Variants in ZNF438 observed in about 807,000 individuals in gnomAD.
ZNF438 encodes zinc finger protein 438.
In ZNF438, 25 loss-of-function variants were observed where a neutral mutation model predicts 38.0. The ratio of observed to expected loss-of-function variants is 0.66; its 90% CI spans 0.48 to 0.92. The LOEUF is 0.92. Among genes scored for constraint, ZNF438 ranks in the 40% least tolerant of loss-of-function variants. The probability of loss-of-function intolerance (pLI) is 0.00; values close to 1 mark genes in which losing one functional copy is unlikely to be tolerated. For synonymous variants in ZNF438, 372 were observed against 364.1 expected, an observed-to-expected ratio of 1.02 and a Z score of -0.25; for missense variants, 1,007 against 999.6, an observed-to-expected ratio of 1.01 and a Z score of -0.10.
intron 3 of ZNF438, among the ~76,000 whole-genome samples, chr10:30,879,277 G>T (rs574058308): frequency 1.3e-5 from 2 of 152,176 alleles, no homozygotes; most frequent in Non-Finnish European, 2.9e-5. Context: ...CCTTAGTAGG[G>T]GGGAATACTT....
intron 3 of ZNF438, among the ~76,000 whole-genome samples, chr10:30,893,636 G>C (rs3006597): frequency 0.78 from 118,741 of 152,124 alleles, 47,119 homozygotes; most frequent in African/African-American, 0.89. Context: ...GCTCCTTTAT[G>C]TAAGATGAAA....
intron 1 of ZNF438, among the ~76,000 whole-genome samples, chr10:30,961,892 G>GAAAAAAAAAA (rs947031672): frequency 4.5e-5 from 3 of 67,096 alleles, no homozygotes; most frequent in Non-Finnish European, 6.4e-5. Flanking sequence ...CATCCCAAAA[G>GAAAAAAAAAA]AAAAAAAAAA....
chr10:30,954,911 C>T (rs1418952175), intron 1 of ZNF438, among the ~76,000 whole-genome samples: 1 of 152,132 alleles, frequency 6.6e-6, no homozygotes, highest in Non-Finnish European at 1.5e-5. Context: ...AAAAGGATGA[C>T]TCTAAATTGA....
intron 2 of ZNF438, among the ~76,000 whole-genome samples, chr10:30,921,577 GT>G (rs2044302757): frequency 6.6e-6 from 1 of 152,140 alleles, no homozygotes; most frequent in African/African-American, 2.4e-5. Flanking sequence ...CAGGCACACA[GT>G]GTCCTTTCAA....
At chr10:30,881,832 A>G (rs2039301659) in intron 3 of ZNF438, among the ~76,000 whole-genome samples, 1 of 152,190 alleles carries the variant, frequency 6.6e-6, no homozygotes, top group South Asian at 2.1e-4. Context: ...GAACATGAAT[A>G]GTCCCTTCAA....
chr10:30,938,437 G>A (rs185280231), intron 2 of ZNF438, among the ~76,000 whole-genome samples: 42 of 152,156 alleles, frequency 2.8e-4, no homozygotes, highest in East Asian at 1.7e-3. Context: ...CACCATGCCT[G>A]GCTAATTTGT....
At chr10:30,992,108 G>A (rs1420865321) in intron 1 of ZNF438, among the ~76,000 whole-genome samples, 1 of 152,170 alleles carries the variant, frequency 6.6e-6, no homozygotes, top group Non-Finnish European at 1.5e-5. Flanking sequence ...CTTGCCATCT[G>A]CAAGACCCTT....
intron 1 of ZNF438, among the ~76,000 whole-genome samples, chr10:30,998,420 G>A (rs1051728121): frequency 6.6e-6 from 1 of 151,406 alleles, no homozygotes; most frequent in Admixed American, 6.6e-5. Context: ...GCGGGCCCCT[G>A]TAGTCCCAGC....
intron 4 of ZNF438, among the ~76,000 whole-genome samples, chr10:30,871,159 G>C (rs2037347095): frequency 6.6e-6 from 1 of 152,146 alleles, no homozygotes; most frequent in African/African-American, 2.4e-5. Flanking sequence ...GCTTGGATAG[G>C]CAGCCCAGTG....
intron 3 of ZNF438, among the ~76,000 whole-genome samples, chr10:30,880,006 A>G (rs1160195009): frequency 6.6e-6 from 1 of 152,194 alleles, no homozygotes; most frequent in Non-Finnish European, 1.5e-5. Flanking sequence ...AAAACATATT[A>G]AGGTATATCA....
chr10:31,028,201 T>C (rs977337671), intron 1 of ZNF438, among the ~76,000 whole-genome samples: 1 of 151,952 alleles, frequency 6.6e-6, no homozygotes, highest in Admixed American at 6.6e-5. Flanking sequence ...CTTATTCCAA[T>C]AGGTGGAACT....
chr10:30,890,849 C>T (rs746562077), intron 3 of ZNF438, among the ~76,000 whole-genome samples: 2 of 152,146 alleles, frequency 1.3e-5, no homozygotes, highest in Non-Finnish European at 2.9e-5. Context: ...CTTGATTGTT[C>T]AATTTTAGGC....
chr10:30,917,921 G>A (rs551756439), intron 2 of ZNF438, among the ~76,000 whole-genome samples: 72 of 152,064 alleles, frequency 4.7e-4, no homozygotes, highest in African/African-American at 1.7e-3. Context: ...TCTTAAATTC[G>A]TATGGCTTTA....
intron 2 of ZNF438, among the ~76,000 whole-genome samples, chr10:30,930,624 C>T (rs2045542345): frequency 6.6e-6 from 1 of 150,436 alleles, no homozygotes; most frequent in African/African-American, 2.4e-5. Context: ...ATGGTGAAAC[C>T]CCATCTCTAC....
chr10:30,959,521 G>A lies in ZNF438; in HGVS notation c.-191-17870C>T, dbSNP rs375065189. On this transcript the variant is annotated intron_variant, in intron 1 of 5. Coordinates refer to ENST00000413025, the Ensembl canonical transcript of ZNF438. ...TGGAAGGCCGAGGTGGGCGGATCAC[G>A]AGGTCAGGAGATTGAGACCATCCTG... Among the ~76,000 whole-genome samples the A allele has an allele frequency of 6.3e-5, 9 of 143,548 alleles. No homozygotes were observed. The East Asian group carries it at 1.4e-3, about 22-fold the overall frequency. 94.2% of individuals were successfully genotyped at this position (143,548 alleles called of 152,430 possible).
chr10:30,981,618 C>T (rs1008762431), intron 1 of ZNF438, among the ~76,000 whole-genome samples: 6 of 152,310 alleles, frequency 3.9e-5, no homozygotes, highest in South Asian at 4.1e-4. Flanking sequence ...TGGCTCACAC[C>T]TGTAATCCCA....
At chr10:30,918,733 A>G (rs919561515) in intron 2 of ZNF438, among the ~76,000 whole-genome samples, 2 of 152,224 alleles carry the variant, frequency 1.3e-5, no homozygotes, top group Non-Finnish European at 2.9e-5. Context: ...GGAATGGACT[A>G]AAGTCTAACA....
At chr10:31,013,238 G>A (rs966135953) in intron 1 of ZNF438, among the ~76,000 whole-genome samples, 4 of 151,962 alleles carry the variant, frequency 2.6e-5, no homozygotes, top group Non-Finnish European at 5.9e-5. Context: ...AGAATGGCGT[G>A]AACCCGGGAG....
chr10:30,894,156 A>C (rs2041045063), intron 3 of ZNF438, among the ~76,000 whole-genome samples: 1 of 152,218 alleles, frequency 6.6e-6, no homozygotes, highest in Non-Finnish European at 1.5e-5. Flanking sequence ...TACTTGTTAC[A>C]GGGGTTTATT....
Sources: allele counts gnomAD v4.1 joint callset (sites outside exome capture counted in the v4.1 genomes callset), GRCh38; gene constraint gnomAD v4.1.1; transcripts MANE v1.5; gene names NCBI Gene and HGNC (gene_info 2026-07-23, HGNC 2026-07-21).